TLN2: variants seen among roughly 807,000 people sequenced by gnomAD.
TLN2 encodes talin 2.
A neutral mutation model predicts 294.7 loss-of-function variants in TLN2; 118 were observed. That is an observed-to-expected ratio of 0.40 (90% CI 0.34 to 0.47). The LOEUF is 0.47. TLN2 is among the 20% of genes least tolerant of loss of function. The pLI is 0.84. For synonymous variants in TLN2, 1,431 were observed against 1,304.5 expected (o/e 1.10, Z -2.09); for missense variants, 3,083 against 3,282.2 (o/e 0.94, Z 1.48).
At chr15:62,739,074 A>C (rs1191891125) in intron 30 of TLN2, among the ~76,000 whole-genome samples, 2 of 151,924 alleles carry the variant, frequency 1.3e-5, no homozygotes, top group Admixed American at 1.3e-4. Flanking sequence ...TGTCTCTGCC[A>C]CTTAGGAAAC....
At chr15:62,415,722 C>T (rs2034038742) in intron 1 of TLN2, among the ~76,000 whole-genome samples, 1 of 152,200 alleles carries the variant, frequency 6.6e-6, no homozygotes, top group African/African-American at 2.4e-5. Flanking sequence ...CCAGTGGGCT[C>T]ACGGTCGCTG....
At chr15:62,488,945 G>A (rs1050329154) in intron 1 of TLN2, among the ~76,000 whole-genome samples, 4 of 152,152 alleles carry the variant, frequency 2.6e-5, no homozygotes, top group Non-Finnish European at 1.5e-5. Flanking sequence ...GGTGGATCAC[G>A]AGGTCAGGAG....
chr15:62,645,738 C>T (rs1037692039), intron 3 of TLN2, among the ~76,000 whole-genome samples: 28 of 152,290 alleles, frequency 1.8e-4, no homozygotes, highest in African/African-American at 6.5e-4. Flanking sequence ...TCCAGGTTTA[C>T]TACCTGCAGG....
chr15:62,707,782 A>G (rs1465871303), intron 20 of TLN2, among the ~76,000 whole-genome samples: 2 of 152,142 alleles, frequency 1.3e-5, no homozygotes, highest in African/African-American at 4.8e-5. Context: ...AGATGTCAGT[A>G]GGTTAAGGCC....
chr15:62,698,964 C>G, intron 16 of TLN2, 97 bp downstream of exon 16: 2 of 1,192,430 alleles, frequency 1.7e-6, no homozygotes, highest in African/African-American at 1.5e-5. Flanking sequence ...ATTTCTATCT[C>G]TAGGTGAAAT....
chr15:62,540,080 C>T (rs2041588158), intron 1 of TLN2, among the ~76,000 whole-genome samples: 1 of 152,186 alleles, frequency 6.6e-6, no homozygotes, highest in Admixed American at 6.5e-5. Context: ...TGGCTCACAC[C>T]TGTAATCCCA....
intron 50 of TLN2, among the ~76,000 whole-genome samples, chr15:62,802,411 T>TACACACACACACAC (rs60573464): frequency 1.1e-4 from 16 of 149,836 alleles, no homozygotes; most frequent in Admixed American, 2.0e-4. Context: ...TATACAATGG[T>TACACACACACACAC]ACACACACAC....
At chr15:62,643,894 A>C (rs1409329598) in intron 3 of TLN2, among the ~76,000 whole-genome samples, 2 of 152,152 alleles carry the variant, frequency 1.3e-5, no homozygotes, top group Non-Finnish European at 2.9e-5. Context: ...GAGGAAGGGC[A>C]CTTAGCTGTC....
At chr15:62,456,904 A>G (rs146251366) in intron 1 of TLN2, among the ~76,000 whole-genome samples, 38 of 152,200 alleles carry the variant, frequency 2.5e-4, no homozygotes, top group Middle Eastern at 3.4e-3. Flanking sequence ...ACATTCTGGC[A>G]TTAGGCCACC....
intron 1 of TLN2, among the ~76,000 whole-genome samples, chr15:62,447,597 C>T (rs1595825722): frequency 1.3e-5 from 2 of 151,722 alleles, no homozygotes; most frequent in South Asian, 4.2e-4. Flanking sequence ...GGGTTCACGC[C>T]ATTCTCCTGC....
chr15:62,620,984 G>A (rs1339809215), intron 3 of TLN2, among the ~76,000 whole-genome samples: 3 of 151,392 alleles, frequency 2.0e-5, no homozygotes, highest in African/African-American at 4.8e-5. Context: ...GACTGCAGGC[G>A]CCCGCCACCA....
chr15:62,609,022 G>C (rs2047686243), intron 2 of TLN2, among the ~76,000 whole-genome samples: 1 of 152,070 alleles, frequency 6.6e-6, no homozygotes, highest in African/African-American at 2.4e-5. Context: ...CCGGGCACTA[G>C]CCTGGAGAGT....
intron 1 of TLN2, among the ~76,000 whole-genome samples, chr15:62,474,709 T>G (rs889092776): frequency 6.6e-6 from 1 of 152,212 alleles, no homozygotes; most frequent in Non-Finnish European, 1.5e-5. Flanking sequence ...CTGAGGCTGT[T>G]GACGATTCCT....
In TLN2 at chr15:62,743,021, G is replaced by C. The variant is rs1034990700; in HGVS notation, c.4025+2252G>C. Among the ~76,000 whole-genome samples, 37 of 152,062 alleles carry C rather than the reference G, an allele frequency of 2.4e-4. 1 individual carries two copies. The highest frequency in any genetic ancestry group is 8.9e-4 in the African/African-American group (37 of 41,406). ...TGAGTGCACACTGTGAATAAGACAG[G>C]GCCTGTCTTATTATGTGTGTCTTTA... On this transcript the variant is annotated intron_variant, in intron 32 of 58. Transcript: ENST00000636159.
At chr15:62,612,077 C>T (rs548137503) in intron 2 of TLN2, among the ~76,000 whole-genome samples, 2 of 151,878 alleles carry the variant, frequency 1.3e-5, no homozygotes, top group African/African-American at 4.9e-5. Flanking sequence ...TTGCTTGTAT[C>T]TAAACCGCCC....
At chr15:62,401,108 T>C (rs2032989377) in intron 1 of TLN2, among the ~76,000 whole-genome samples, 1 of 152,174 alleles carries the variant, frequency 6.6e-6, no homozygotes. Context: ...TGCTTATCAG[T>C]GACACATAAG....
intron 50 of TLN2, among the ~76,000 whole-genome samples, chr15:62,804,517 T>G (rs1239520185): frequency 2.0e-5 from 3 of 152,160 alleles, no homozygotes; most frequent in Non-Finnish European, 4.4e-5. Context: ...AGACTCACTT[T>G]AGCCCAGGAG....
intron 5 of TLN2, 74 bp downstream of exon 5, chr15:62,650,255 T>TG (rs2052436518): frequency 6.8e-7 from 1 of 1,469,836 alleles, no homozygotes; most frequent in South Asian, 1.2e-5. Flanking sequence ...CCAACACGGT[T>TG]ACGCTATTTT....
intron 1 of TLN2, among the ~76,000 whole-genome samples, chr15:62,435,777 G>C (rs4775502): frequency 0.38 from 57,713 of 151,936 alleles, 11,191 homozygotes; most frequent in Middle Eastern, 0.58. Context: ...CCTGACCTCA[G>C]GTGATCCACC....
Sources: allele counts gnomAD v4.1 joint callset (sites outside exome capture counted in the v4.1 genomes callset), GRCh38; gene constraint gnomAD v4.1.1; transcripts MANE v1.5; gene names NCBI Gene and HGNC (gene_info 2026-07-23, HGNC 2026-07-21).